The following SEC24B variants were observed in gnomAD, a reference collection of about 807,000 sequenced individuals.
SEC24B encodes the protein SEC24 homolog B, COPII component.
A neutral mutation model predicts 142.8 loss-of-function variants in SEC24B; 45 were observed. The observed-to-expected ratio is 0.32, with a 90% CI of 0.25 to 0.40. SEC24B has a LOEUF of 0.40. Ranked by LOEUF, SEC24B falls within the 10% of genes least tolerant of loss-of-function variation. The pLI is 1.00. For synonymous variants in SEC24B, 574 were observed against 568.2 expected (o/e 1.01, Z -0.15); for missense variants, 1,409 against 1,526.8 (o/e 0.92, Z 1.29).
At chr4:109,448,377 C>T (rs6852062) in intron 1 of SEC24B, among the ~76,000 whole-genome samples, 16,785 of 152,084 alleles carry the variant, frequency 0.11, 3,074 homozygotes, top group African/African-American at 0.38. Context: ...AGGTCATTTC[C>T]AGTACCTTTT....
chr4:109,445,242 GTTTTTTTT>G (rs70949078), intron 1 of SEC24B, among the ~76,000 whole-genome samples: 1 of 112,780 alleles, frequency 8.9e-6, no homozygotes. Flanking sequence ...TTCTTTCTTT[GTTTTTTTT>G]TTTTTTTTTT....
At chr4:109,512,126 G>GTTT (rs35283007) in intron 9 of SEC24B, 43 bp downstream of exon 9, 184 of 1,315,554 alleles carry the variant, frequency 1.4e-4, no homozygotes, top group African/African-American at 5.6e-4. Flanking sequence ...CTATTTTCAG[G>GTTT]TTTTTTTTTT....
chr4:109,441,284 A>G (rs1728905229), intron 1 of SEC24B, among the ~76,000 whole-genome samples: 1 of 152,232 alleles, frequency 6.6e-6, no homozygotes, highest in Non-Finnish European at 1.5e-5. Context: ...TTGAATTCGT[A>G]TGAATTAGTG....
At chr4:109,436,975 T>C (rs1728464277) in intron 1 of SEC24B, among the ~76,000 whole-genome samples, 1 of 152,258 alleles carries the variant, frequency 6.6e-6, no homozygotes, top group Non-Finnish European at 1.5e-5. Flanking sequence ...CAAGCCCTTC[T>C]ACCAAAGTAA....
In SEC24B at chr4:109,462,166, A is replaced by G. The variant is rs545009921; in HGVS notation, c.134-735A>G. 6.6e-5 allele frequency among the ~76,000 whole-genome samples: 10 copies of G among 152,248 alleles called. No homozygotes were observed. The South Asian group carries it at 1.9e-3, about 28-fold the overall frequency. On this transcript the variant is annotated intron_variant, in intron 1 of 23. Transcript: ENST00000265175. ...AACCATGATCATGCCATCGCGCTCT[A>G]TAGCCATCACACTCTATAGAGCCTG...
intron 18 of SEC24B, 125 bp from the exon 19 acceptor site, chr4:109,530,164 T>TG: frequency 4.4e-6 from 3 of 688,208 alleles, no homozygotes; most frequent in Non-Finnish European, 7.0e-6. Flanking sequence ...GCTGATGAAA[T>TG]GCATTTTTCC....
At chr4:109,454,715 A>G (rs1406589925) in intron 1 of SEC24B, among the ~76,000 whole-genome samples, 3 of 152,168 alleles carry the variant, frequency 2.0e-5, no homozygotes, top group East Asian at 1.9e-4. Flanking sequence ...GGTCATAGAA[A>G]CTGGAACCTT....
At chr4:109,516,972 G>T (rs1264201025) in intron 11 of SEC24B, among the ~76,000 whole-genome samples, 1 of 152,108 alleles carries the variant, frequency 6.6e-6, no homozygotes, top group Non-Finnish European at 1.5e-5. Flanking sequence ...AAAGACAAAA[G>T]ATAACATGTT....
intron 14 of SEC24B, among the ~76,000 whole-genome samples, chr4:109,522,628 A>T (rs1723769493): frequency 6.6e-6 from 1 of 152,246 alleles, no homozygotes; most frequent in African/African-American, 2.4e-5. Context: ...TTTAATTATG[A>T]AGATAACACA....
At chr4:109,464,174 G>A (rs369358424) in intron 2 of SEC24B, among the ~76,000 whole-genome samples, 6 of 152,274 alleles carry the variant, frequency 3.9e-5, no homozygotes, top group African/African-American at 1.4e-4. Flanking sequence ...GCTGAAAGAT[G>A]GGGAAGGGAA....
chr4:109,516,548 A>C lies in SEC24B; in HGVS notation c.2034A>C (p.Ala678=), dbSNP rs985466362. The C allele has an allele frequency of 2.5e-6, 4 of 1,611,366 alleles. No individual in the cohort carries two copies. The highest frequency in any genetic ancestry group is 2.5e-6 in the Non-Finnish European group (3 of 1,178,554). The change falls in exon 11 of 24, where the codon GCA becomes GCC. Residue 678 remains alanine, a synonymous_variant. Transcript: ENST00000265175. The part of the protein sequence containing the change: ...SDYMLRPPQP[A]VYLFVLDVSH... Reference sequence around the variant, plus strand: ...TTCAGCTGCGTCCTCCTCAACCTGCAGTTTACTTGTTTGTTTTAGATGTGT... The same window carrying C: ...TTCAGCTGCGTCCTCCTCAACCTGCCGTTTACTTGTTTGTTTTAGATGTGT...
At chr4:109,472,669 G>C (rs1732650911) in intron 2 of SEC24B, among the ~76,000 whole-genome samples, 1 of 152,064 alleles carries the variant, frequency 6.6e-6, no homozygotes, top group African/African-American at 2.4e-5. Context: ...GAGATCATTA[G>C]TAAATAAAAG....
intron 1 of SEC24B, among the ~76,000 whole-genome samples, chr4:109,457,522 G>A (rs1730804333): frequency 6.6e-6 from 1 of 152,194 alleles, no homozygotes; most frequent in Admixed American, 6.5e-5. Flanking sequence ...GACCAAACTT[G>A]CCCTTTTATA....
At chr4:109,513,934 AT>A in intron 10 of SEC24B, 78 bp downstream of exon 10, 1 of 932,056 alleles carries the variant, frequency 1.1e-6, no homozygotes, top group South Asian at 1.4e-5. Flanking sequence ...GTGAACTCTT[AT>A]CGAGATTTTG....
In SEC24B at chr4:109,518,582, AACAT is replaced by A. The variant is rs372530190; in HGVS notation, c.2127-1783_2127-1780del. On this transcript the variant is annotated intron_variant, in intron 11 of 23. Transcript: ENST00000265175. The stretch of plus-strand genomic sequence containing the variant: ...GATCTTGGCCTGAAAGGAAACTGAT[AACAT>A]TAAGATGTTCAAGATTTTAAAAATT... Among the ~76,000 whole-genome samples the A allele has an allele frequency of 9.9e-4, 151 of 152,344 alleles. 4 individuals are homozygous for A. The East Asian group carries it at 0.028, about 28-fold the overall frequency.
chr4:109,450,798 G>A (rs1037247412), intron 1 of SEC24B: 1 of 145,974 alleles, frequency 6.9e-6, no homozygotes, highest in Admixed American at 6.9e-5. Context: ...CTCTTGCTCA[G>A]GCTGGAGTAC....
At chr4:109,440,617 A>G (rs1043147715) in intron 1 of SEC24B, among the ~76,000 whole-genome samples, 2 of 152,226 alleles carry the variant, frequency 1.3e-5, no homozygotes, top group African/African-American at 4.8e-5. Context: ...TTTCTTACAG[A>G]GTTGTTTATA....
At chr4:109,509,734 T>G (rs928470728) in intron 7 of SEC24B, among the ~76,000 whole-genome samples, 2 of 151,280 alleles carry the variant, frequency 1.3e-5, no homozygotes, top group African/African-American at 4.9e-5. Context: ...TTCTGTGTGC[T>G]CCTATTCATC....
At chr4:109,448,856 G>T (rs1461542373) in intron 1 of SEC24B, among the ~76,000 whole-genome samples, 2 of 151,638 alleles carry the variant, frequency 1.3e-5, no homozygotes, top group Non-Finnish European at 2.9e-5. Context: ...TCTGTTTCAG[G>T]ATTTAATTCA....
Sources: allele counts gnomAD v4.1 joint callset (sites outside exome capture counted in the v4.1 genomes callset), GRCh38; gene constraint gnomAD v4.1.1; transcripts MANE v1.5; gene names NCBI Gene and HGNC (gene_info 2026-07-23, HGNC 2026-07-21).